The following ORC3 variants were observed in gnomAD, a reference collection of about 807,000 sequenced individuals.
ORC3 encodes the protein origin recognition complex subunit 3.
ORC3 carries 78 observed loss-of-function variants against 100.7 expected under a neutral mutation model. That is an observed-to-expected ratio of 0.77 (90% CI 0.65 to 0.94). The LOEUF (loss-of-function observed/expected upper bound fraction) is 0.94, where lower values mean the gene tolerates loss of function less well. ORC3 is among the 40% of genes least tolerant of loss of function. The pLI is 0.00. For missense variants in ORC3, 789 were observed against 823.9 expected (o/e 0.96, Z 0.52); for synonymous variants, 295 against 289.3 (o/e 1.02, Z -0.20).
chr6:87,629,580 T>G lies in ORC3; in HGVS notation c.1186-5265T>G, dbSNP rs540485558. On this transcript the variant is annotated intron_variant, in intron 11 of 19. Coordinates refer to ENST00000392844, the MANE Select transcript of ORC3 (RefSeq NM_012381.4). Reference sequence around the variant, plus strand: ...GATATATGATTTTTAAAAAATAGATTCAGGGGGTTACAGGTGCAGTTTGTT... The same window carrying G: ...GATATATGATTTTTAAAAAATAGATGCAGGGGGTTACAGGTGCAGTTTGTT... Among the ~76,000 whole-genome samples, 94 of 119,280 alleles carry G rather than the reference T, an allele frequency of 7.9e-4. 1 individual carries two copies. The highest frequency in any genetic ancestry group is 3.1e-3 in the African/African-American group (88 of 28,460). 78.3% of individuals were successfully genotyped at this position (119,280 alleles called of 152,430 possible).
intron 9 of ORC3, among the ~76,000 whole-genome samples, chr6:87,617,460 C>T (rs899154098): frequency 6.6e-6 from 1 of 152,088 alleles, no homozygotes; most frequent in African/African-American, 2.4e-5. Flanking sequence ...TTATGCCAGG[C>T]ACGGTGGCTC....
intron 13 of ORC3, among the ~76,000 whole-genome samples, chr6:87,641,658 G>C (rs909621479): frequency 2.6e-5 from 4 of 152,096 alleles, no homozygotes; most frequent in African/African-American, 9.7e-5. Flanking sequence ...ATTTACCTTA[G>C]GCTAAAGGAA....
intron 3 of ORC3, among the ~76,000 whole-genome samples, chr6:87,602,255 A>G (rs979676712): frequency 6.6e-6 from 1 of 152,138 alleles, no homozygotes; most frequent in Admixed American, 6.5e-5. Flanking sequence ...AAAAAAACTC[A>G]TATTTCTTGT....
At chr6:87,655,037 CATT>C (rs772505186) in intron 14 of ORC3, among the ~76,000 whole-genome samples, 47 of 152,152 alleles carry the variant, frequency 3.1e-4, no homozygotes, top group Admixed American at 6.5e-4. Context: ...AAAAGTGACT[CATT>C]ATTAATAATA....
chr6:87,599,325 C>T (rs1777702378), intron 2 of ORC3, among the ~76,000 whole-genome samples: 1 of 151,116 alleles, frequency 6.6e-6, no homozygotes, highest in Non-Finnish European at 1.5e-5. Context: ...TTAAAGCTAC[C>T]TTGTTGTTCT....
intron 2 of ORC3, among the ~76,000 whole-genome samples, chr6:87,599,392 A>C (rs1324433199): frequency 7.9e-6 from 1 of 127,082 alleles, no homozygotes; most frequent in Non-Finnish European, 1.7e-5. Context: ...TTTTGAGGCA[A>C]GGTTTTGCTC....
chr6:87,622,603 A>G (rs979127930), intron 11 of ORC3, among the ~76,000 whole-genome samples: 2 of 152,006 alleles, frequency 1.3e-5, no homozygotes, highest in Non-Finnish European at 2.9e-5. Flanking sequence ...ATAGTATACT[A>G]TATATGTTAT....
chr6:87,668,138 T>A (rs147102688), downstream of ORC3, among the ~76,000 whole-genome samples: 14 of 152,256 alleles, frequency 9.2e-5, no homozygotes, highest in East Asian at 2.7e-3. Flanking sequence ...TAGCTAAAGT[T>A]CATTATTTAA....
At chr6:87,643,376 C>A (rs1227457112) in intron 13 of ORC3, among the ~76,000 whole-genome samples, 1 of 147,864 alleles carries the variant, frequency 6.8e-6, no homozygotes, top group East Asian at 2.1e-4. Flanking sequence ...AGGAACTATA[C>A]TTTGACAAAT....
chr6:87,676,029 G>A, the ORC3 span: 2 of 996,868 alleles, frequency 2.0e-6, no homozygotes, highest in South Asian at 3.0e-5. Context: ...ATTCTAAGTT[G>A]ACAAAATCAC....
At chr6:87,605,838 C>A in intron 4 of ORC3, 79 bp from the exon 5 acceptor site, 1 of 739,768 alleles carries the variant, frequency 1.4e-6, no homozygotes, top group Non-Finnish European at 2.3e-6. Context: ...TACTTGTTTG[C>A]TTGATATGTT....
chr6:87,644,141 G>A (rs1288794661), intron 13 of ORC3, among the ~76,000 whole-genome samples: 7 of 124,500 alleles, frequency 5.6e-5, no homozygotes, highest in Non-Finnish European at 9.8e-5. Flanking sequence ...CGCCCAGGCT[G>A]GAGTGCAGTG....
intron 7 of ORC3, among the ~76,000 whole-genome samples, chr6:87,611,340 A>C (rs937034387): frequency 5.3e-5 from 8 of 152,176 alleles, no homozygotes; most frequent in Non-Finnish European, 8.8e-5. Context: ...TACATAGTAC[A>C]AAATAGTGAC....
At chr6:87,637,390 T>C (rs1176654645) in intron 13 of ORC3, among the ~76,000 whole-genome samples, 1 of 152,122 alleles carries the variant, frequency 6.6e-6, no homozygotes, top group Non-Finnish European at 1.5e-5. Flanking sequence ...TCTGGAAAAA[T>C]ACCTCCCCAT....
chr6:87,623,584 T>G (rs1306108639), intron 11 of ORC3, among the ~76,000 whole-genome samples: 1 of 152,126 alleles, frequency 6.6e-6, no homozygotes, highest in African/African-American at 2.4e-5. Context: ...TAGTGTATTA[T>G]AGAAATTGCC....
Position 87,658,013 on chromosome 6 carries a change from A to G in ORC3, c.1686A>G (p.Leu562=). Residue 562 remains leucine, a synonymous_variant, in exon 16 of 20, where the codon CTA becomes CTG. Coordinates refer to ENST00000392844, the MANE Select transcript of ORC3 (RefSeq NM_012381.4). ...ATGTTGTGAACTTCATTGACTGTCT[A>G]GTGAGGTAAGTCTAAATTTAGCTCT... ...RENVVNFIDC[L]VREYLLPPET... is the part of the protein sequence containing the mutation. The G allele has an allele frequency of 6.4e-7, 1 of 1,568,202 alleles. No homozygotes were observed. The highest frequency in any genetic ancestry group is 1.1e-5 in the South Asian group (1 of 90,042).
chr6:87,597,599 A>G (rs1182067073), intron 2 of ORC3, among the ~76,000 whole-genome samples: 1 of 152,088 alleles, frequency 6.6e-6, no homozygotes, highest in East Asian at 1.9e-4. Context: ...AAAATGAACT[A>G]TGCCACTGTT....
chr6:87,619,988 T>C (rs1355532450), intron 9 of ORC3, among the ~76,000 whole-genome samples: 1 of 152,230 alleles, frequency 6.6e-6, no homozygotes, highest in African/African-American at 2.4e-5. Context: ...CTGATTTCCA[T>C]AGGATGTACA....
intron 8 of ORC3, among the ~76,000 whole-genome samples, chr6:87,613,780 C>G (rs1778956060): frequency 6.6e-6 from 1 of 152,218 alleles, no homozygotes; most frequent in African/African-American, 2.4e-5. Context: ...CTCCATTTCT[C>G]ACATCCAGGT....
Sources: allele counts gnomAD v4.1 joint callset (sites outside exome capture counted in the v4.1 genomes callset), GRCh38; gene constraint gnomAD v4.1.1; transcripts MANE v1.5; gene names NCBI Gene and HGNC (gene_info 2026-07-23, HGNC 2026-07-21).